The following GPR179 variants were observed in gnomAD, a reference collection of about 807,000 sequenced individuals.
GPR179 encodes the protein G protein-coupled receptor 179.
A neutral mutation model predicts 70.8 loss-of-function variants in GPR179; 52 were observed. The observed-to-expected ratio is 0.73, with a 90% CI of 0.59 to 0.93. The LOEUF is 0.93. Ranked by LOEUF, GPR179 falls within the 40% of genes least tolerant of loss-of-function variation. The pLI is 0.00. For synonymous variants in GPR179, 1,123 were observed against 1,169.0 expected (o/e 0.96, Z 0.80); for missense variants, 2,734 against 2,966.8 (o/e 0.92, Z 1.82).
In GPR179 at chr17:38,328,418, C is replaced by T; in HGVS notation, c.5151G>A (p.Arg1717=). The T allele has an allele frequency of 6.2e-7, 1 of 1,612,386 alleles. No individual in the cohort carries two copies. Among genetic ancestry groups the T allele is most frequent in the Non-Finnish European group, 8.5e-7 (1 of 1,179,530 alleles). The part of the protein sequence containing the change: ...WEVGAGAGEE[R]ALGAEAIRKS... ...TCCTAATGGCCTCAGCTCCCAAAGCCCTTTCCTCCCCTGCTCCAGCACCCA... is the reference window on the plus strand; with the variant it reads ...TCCTAATGGCCTCAGCTCCCAAAGCTCTTTCCTCCCCTGCTCCAGCACCCA... The change falls in exon 11 of 11, where the codon AGG becomes AGA. Residue 1717 remains arginine (R), a synonymous_variant. Transcript: ENST00000616987.
rs1472932632 is a variant in GPR179 at position 38,328,998 on chromosome 17, G to A, written c.4571C>T (p.Ala1524Val). Residue 1524 changes from alanine (A) to valine (V), a missense_variant, in exon 11 of 11, where the codon GCA becomes GTA. By Grantham distance (64) the Ala-to-Val change is moderately conservative (BLOSUM62 0). Transcript: ENST00000616987. ...FGEMGEQTVK[A>V]VQKLSQQQES... Reference sequence around the variant, plus strand: ...CTGCTGTTGACTTAATTTCTGCACTGCTTTCACAGTTTGTTCCCCCATCTC... The same window carrying A: ...CTGCTGTTGACTTAATTTCTGCACTACTTTCACAGTTTGTTCCCCCATCTC... The A allele has an allele frequency of 2.4e-5, 39 of 1,614,062 alleles. No individual in the cohort carries two copies. Among genetic ancestry groups the A allele is most frequent in the Non-Finnish European group, 3.1e-5 (37 of 1,180,030 alleles).
intron 1 of GPR179, among the ~76,000 whole-genome samples, chr17:38,341,058 C>T (rs939069071): frequency 3.9e-5 from 6 of 152,158 alleles, no homozygotes; most frequent in Admixed American, 6.5e-5. Flanking sequence ...CACTTTTCTG[C>T]CCCTACAGGC....
At position 38,328,996 on chromosome 17, in the gene GPR179, C is replaced by T. The variant is rs2037321539; in HGVS notation, c.4573G>A (p.Val1525Met). The part of the protein sequence containing the change: ...GEMGEQTVKA[V>M]QKLSQQQESV... ...TCCTGCTGTTGACTTAATTTCTGCA[C>T]TGCTTTCACAGTTTGTTCCCCCATC... The change falls in exon 11 of 11, where the codon GTG (valine) becomes ATG (methionine). Residue 1525 changes from valine to methionine, a missense_variant. Val to Met is a conservative substitution (Grantham distance 21). Coordinates refer to ENST00000616987, the MANE Select transcript of GPR179 (RefSeq NM_001004334.4). 1 of 1,614,116 alleles carries T rather than the reference C, an allele frequency of 6.2e-7. No homozygotes were observed. The highest frequency in any genetic ancestry group is 1.3e-5 in the African/African-American group (1 of 74,942).
Position 38,327,312 on chromosome 17 carries a change from G to T in GPR179, c.6257C>A (p.Ser2086Tyr), listed in dbSNP as rs1482850414. 6.2e-7 allele frequency: 1 copy of T among 1,614,086 alleles called. No homozygotes were observed. Among genetic ancestry groups the T allele is most frequent in the Non-Finnish European group, 8.5e-7 (1 of 1,180,048 alleles). ...AGAAGCATCTGGGGCTGGCTGTGGG[G>T]ACAGACCCTTGCCATCTTGACTCTC... is the stretch of plus-strand genomic sequence containing the variant. ...PWESQDGKGL[S>Y]PQPAPDASDR... Residue 2086 changes from serine to tyrosine, a missense_variant, in exon 11 of 11, where the codon TCC (serine) becomes TAC (tyrosine). By Grantham distance (144) the Ser-to-Tyr change is moderately radical. Transcript: ENST00000616987.
Position 38,328,796 on chromosome 17 carries a change from T to A in GPR179, c.4773A>T (p.Glu1591Asp). 6.2e-7 allele frequency: 1 copy of A among 1,607,080 alleles called. No individual in the cohort carries two copies. Among genetic ancestry groups the A allele is most frequent in the Non-Finnish European group, 8.5e-7 (1 of 1,177,460 alleles). ...TTTCATTTACCTCCCAGGGACAGAT[T>A]TCTGTTTTGGCAGGTGTTGCTTCCT... Reference protein sequence around the residue: ...EAQEATPAKTEICPWEVNERT... With the variant: ...EAQEATPAKTDICPWEVNERT... The change falls in exon 11 of 11, where the codon GAA (glutamate) becomes GAT (aspartate). Residue 1591 changes from glutamate to aspartate, a missense_variant. Glu to Asp is a conservative substitution (Grantham distance 45, BLOSUM62 2). Transcript: ENST00000616987.
At chr17:38,337,821 G>T (rs1221385540) in intron 2 of GPR179, 101 bp from the exon 3 acceptor site, 3 of 994,580 alleles carry the variant, frequency 3.0e-6, no homozygotes, top group Middle Eastern at 4.5e-4. Context: ...CCCTATCCAT[G>T]GGACTTGGGT....
At position 38,328,487 on chromosome 17, in the gene GPR179, C is replaced by T. The variant is rs2037314195; in HGVS notation, c.5082G>A (p.Glu1694=). ...KAADICPLDV[E]ENLTAGKAEI... ...CTGCCTTCCCAGCAGTCAAGTTTTC[C>T]TCCACATCCAAAGGGCAAATGTCGG... Residue 1694 remains glutamate (E), a synonymous_variant, in exon 11 of 11, where the codon GAG becomes GAA. Transcript: ENST00000616987. 1.2e-6 allele frequency: 2 copies of T among 1,611,928 alleles called. No individual in the cohort carries two copies. Among genetic ancestry groups the T allele is most frequent in the Admixed American group, 1.7e-5 (1 of 59,798 alleles).
chr17:38,334,393 G>A lies in GPR179; in HGVS notation c.1784+311C>T, dbSNP rs1278479093. On this transcript the variant is annotated intron_variant, in intron 8 of 10. Coordinates refer to ENST00000616987, the MANE Select transcript of GPR179 (RefSeq NM_001004334.4). The surrounding 1 kb of genome is among the most constrained non-coding windows in gnomAD (Gnocchi z 4.7). ...TATGGCTGAGGAGTGAGGGGAGAAG[G>A]CAGGGAGGACTGAGCATGTGTGGAA... is the stretch of plus-strand genomic sequence containing the variant. Among the ~76,000 whole-genome samples the A allele has an allele frequency of 2.6e-5, 4 of 152,196 alleles. No individual in the cohort carries two copies. Among genetic ancestry groups the A allele is most frequent in the African/African-American group, 7.2e-5 (3 of 41,448 alleles).
In GPR179 at chr17:38,343,361, T is replaced by A; in HGVS notation, c.429A>T (p.Arg143Ser). The change falls in exon 1 of 11, where the codon AGA (arginine) becomes AGT (serine). Residue 143 changes from arginine (R) to serine (S), a missense_variant. Transcript: ENST00000616987. This position sits in a 1 kb window ranked among gnomAD's most constrained non-coding sequence, Gnocchi z 4.2. ...LVRSVAEGDP[R>S]VYRALLTFNP... Reference sequence around the variant, plus strand: ...TAAAGGTCAGCAAAGCCCTGTACACTCTTGGGTCCCCCTCGGCCACGCTGC... The same window carrying A: ...TAAAGGTCAGCAAAGCCCTGTACACACTTGGGTCCCCCTCGGCCACGCTGC... The A allele has an allele frequency of 1.2e-6, 2 of 1,614,162 alleles. No homozygotes were observed. Among genetic ancestry groups the A allele is most frequent in the South Asian group, 1.1e-5 (1 of 91,086 alleles).
chr17:38,335,742 C>G (rs768366674), intron 5 of GPR179, 42 bp from the exon 6 acceptor site: 16 of 1,324,676 alleles, frequency 1.2e-5, no homozygotes, highest in Non-Finnish European at 1.4e-5. Flanking sequence ...TACTATGCTT[C>G]TGCTGTGGGC....
rs760176632 is a variant in GPR179, at chr17:38,330,859, A to G, written c.2710T>C (p.Ser904Pro). Residue 904 changes from serine (S) to proline (P), a missense_variant, in exon 11 of 11, where the codon TCC (serine) becomes CCC (proline). Ser to Pro is a moderately conservative substitution (Grantham distance 74, BLOSUM62 -1). Coordinates refer to ENST00000616987, the MANE Select transcript of GPR179 (RefSeq NM_001004334.4). ...PRGAPLSAPP[S>P]PAKSSSVDSS... ...TCCACGCTGCTGCTCTTGGCAGGGG[A>G]AGGTGGAGCTGACAGGGGGGCCCCT... The G allele has an allele frequency of 9.4e-6, 15 of 1,601,544 alleles. No homozygotes were observed. In the Admixed American group the frequency reaches 2.1e-4, roughly 22 times the overall value.
Position 38,343,411 on chromosome 17 carries a change from C to A in GPR179, c.379G>T (p.Val127Leu). Residue 127 changes from valine to leucine, a missense_variant, in exon 1 of 11, where the codon GTG becomes TTG. Coordinates refer to ENST00000616987, the MANE Select transcript of GPR179 (RefSeq NM_001004334.4). This position sits in a 1 kb window ranked among gnomAD's most constrained non-coding sequence, Gnocchi z 4.2. ...CGGACCAGTGCCTGGTACCATTCCA[C>A]ATCCTCCTCCACACTGGACTCACGG... is the stretch of plus-strand genomic sequence containing the variant. ...DIRESSVEEDVEWYQALVRSV... is the reference protein window; with the variant it reads ...DIRESSVEEDLEWYQALVRSV... 1 of 1,614,190 alleles carries A rather than the reference C, an allele frequency of 6.2e-7. No homozygotes were observed. The highest frequency in any genetic ancestry group is 8.5e-7 in the Non-Finnish European group (1 of 1,180,040).
rs1252727426 is a variant in GPR179 at position 38,334,645 on chromosome 17, G to C, written c.1784+59C>G. 3.2e-6 allele frequency: 5 copies of C among 1,572,688 alleles called. No individual in the cohort carries two copies. Among genetic ancestry groups the C allele is most frequent in the Non-Finnish European group, 4.4e-6 (5 of 1,146,120 alleles). Reference sequence around the variant, plus strand: ...CATGGGATGGGGGCACCTCACCTGGGAGAGGTGAGGAGTACTGTTAGAGTG... The same window carrying C: ...CATGGGATGGGGGCACCTCACCTGGCAGAGGTGAGGAGTACTGTTAGAGTG... On this transcript the variant is annotated intron_variant, in intron 8 of 10. Coordinates refer to ENST00000616987, the MANE Select transcript of GPR179 (RefSeq NM_001004334.4). The surrounding 1 kb of genome is among the most constrained non-coding windows in gnomAD (Gnocchi z 4.7).
In GPR179 at chr17:38,335,145, G is replaced by T; in HGVS notation, c.1533C>A (p.Gly511=). 2 of 1,592,802 alleles carry T rather than the reference G, an allele frequency of 1.3e-6. No individual in the cohort carries two copies. The highest frequency in any genetic ancestry group is 1.7e-6 in the Non-Finnish European group (2 of 1,170,350). ...VLGFLAVWTV[G]ALERGIQHAP... is the part of the protein sequence containing the mutation. ...CGTGCTGGATGCCTCGCTCCAGGGC[G>T]CCCACGGTCCACACAGCCAGGAAGC... The change falls in exon 7 of 11, where the codon GGC becomes GGA. Residue 511 remains glycine (G), a synonymous_variant. Transcript: ENST00000616987.
chr17:38,339,489 C>T lies in GPR179; in HGVS notation c.831G>A (p.Val277=). 6.2e-7 allele frequency: 1 copy of T among 1,614,060 alleles called. No individual in the cohort carries two copies. The highest frequency in any genetic ancestry group is 8.5e-7 in the Non-Finnish European group (1 of 1,179,970). ...QVQMDVDLQS[V]DINQCASGPG... ...GGCCACTTGCACACTGATTGATGTC[C>T]ACACTCTGGAGATCTACGTCCATCT... is the stretch of plus-strand genomic sequence containing the variant. Residue 277 remains valine (V), a synonymous_variant, in exon 2 of 11, where the codon GTG becomes GTA. Coordinates refer to ENST00000616987, the MANE Select transcript of GPR179 (RefSeq NM_001004334.4).
chr17:38,335,502 G>A (rs1357493825), intron 6 of GPR179, 89 bp downstream of exon 6: 11 of 977,200 alleles, frequency 1.1e-5, no homozygotes, highest in Non-Finnish European at 1.8e-5. Flanking sequence ...GGGCTGGCAA[G>A]GGTCTGGCTT....
At chr17:38,339,315 GGTA>G in intron 2 of GPR179, 99 bp downstream of exon 2, 4 of 709,326 alleles carry the variant, frequency 5.6e-6, no homozygotes, top group Non-Finnish European at 9.9e-6. Flanking sequence ...GAGATGCTGG[GGTA>G]GCTTTGTCTG....
Position 38,329,935 on chromosome 17 carries a change from T to G in GPR179, c.3634A>C (p.Ile1212Leu). Residue 1212 changes from isoleucine to leucine, a missense_variant, in exon 11 of 11, where the codon ATC becomes CTC. Ile to Leu is a conservative substitution (Grantham distance 5). Transcript: ENST00000616987. Reference sequence around the variant, plus strand: ...ACAGGGGTTTCTTTTGATTGCTTGATGTTTTTGTCCCTGGAAACTTGCCTC... The same window carrying G: ...ACAGGGGTTTCTTTTGATTGCTTGAGGTTTTTGTCCCTGGAAACTTGCCTC... ...MLRQVSRDKN[I>L]KQSKETPVGW... 6.2e-7 allele frequency: 1 copy of G among 1,614,226 alleles called. No homozygotes were observed. The highest frequency in any genetic ancestry group is 8.5e-7 in the Non-Finnish European group (1 of 1,180,042).
rs2037327498 is a variant in GPR179, at chr17:38,329,416, C to A, written c.4153G>T (p.Ala1385Ser). The A allele has an allele frequency of 6.2e-7, 1 of 1,614,060 alleles. No individual in the cohort carries two copies. The highest frequency in any genetic ancestry group is 1.1e-5 in the South Asian group (1 of 91,084). The change falls in exon 11 of 11, where the codon GCA becomes TCA. Residue 1385 changes from alanine to serine, a missense_variant. By Grantham distance (99) the Ala-to-Ser change is moderately conservative (BLOSUM62 1). Transcript: ENST00000616987. ...TTCCCATCCTCGCCTCCTTCACTTGCCTCCCAGGGACACGGCTCTGCCTTG... is the reference window on the plus strand; with the variant it reads ...TTCCCATCCTCGCCTCCTTCACTTGACTCCCAGGGACACGGCTCTGCCTTG... ...ITKAEPCPWE[A>S]SEGGEDGKPA...
Sources: gnomAD v4.1 joint callset for allele counts (sites outside exome capture counted in the v4.1 genomes callset) on GRCh38, gnomAD v4.1.1 for gene constraint, Gnocchi (gnomAD v3.1) non-coding constraint, MANE v1.5 for transcripts, NCBI Gene and HGNC (gene_info 2026-07-23, HGNC 2026-07-21) for gene names.